WWOX: variants seen among roughly 807,000 people sequenced by gnomAD.
WWOX encodes WW domain containing oxidoreductase, also known as WW domain-containing oxidoreductase.
A neutral mutation model predicts 46.2 loss-of-function variants in WWOX; 69 were observed. That is an observed-to-expected ratio of 1.49 (90% CI 1.23 to 1.82). WWOX has a LOEUF of 1.82. Among genes scored for constraint, WWOX ranks in the 40% most tolerant of loss-of-function variants. The pLI is 0.00. For synonymous variants in WWOX, 359 were observed against 202.6 expected (o/e 1.77, Z -6.56); for missense variants, 919 against 542.6 (o/e 1.69, Z -6.89).
intron 8 of WWOX, among the ~76,000 whole-genome samples, chr16:79,087,734 C>G (rs759829927): frequency 6.6e-6 from 1 of 152,224 alleles, no homozygotes; most frequent in Non-Finnish European, 1.5e-5. Context: ...ACTTGCAACA[C>G]TTTCTCTGGA....
chr16:79,146,082 T>G (rs138501895), intron 8 of WWOX, among the ~76,000 whole-genome samples: 1 of 152,246 alleles, frequency 6.6e-6, no homozygotes, highest in Non-Finnish European at 1.5e-5. Flanking sequence ...ATATTTCAAG[T>G]AAAGTAACAT....
chr16:78,182,862 A>G (rs895854541), intron 5 of WWOX, among the ~76,000 whole-genome samples: 6 of 151,162 alleles, frequency 4.0e-5, no homozygotes, highest in Non-Finnish European at 8.8e-5. Context: ...GAGGCAGGAG[A>G]ATGGCATGAA....
At chr16:78,976,324 C>G (rs545363025) in intron 8 of WWOX, among the ~76,000 whole-genome samples, 1 of 152,324 alleles carries the variant, frequency 6.6e-6, no homozygotes, top group South Asian at 2.1e-4. Flanking sequence ...GAAATGAGAA[C>G]CGATGAAGCT....
chr16:78,894,130 C>G (rs547801393), intron 8 of WWOX, among the ~76,000 whole-genome samples: 1 of 151,626 alleles, frequency 6.6e-6, no homozygotes, highest in South Asian at 2.1e-4. Context: ...CCTTGACCTC[C>G]TGGGCTCAAG....
intron 8 of WWOX, among the ~76,000 whole-genome samples, chr16:78,477,958 G>A (rs1007404901): frequency 1.3e-5 from 2 of 152,102 alleles, no homozygotes; most frequent in African/African-American, 4.8e-5. Context: ...ATTACCAGGG[G>A]AAAGAAAAAT....
intron 6 of WWOX, among the ~76,000 whole-genome samples, chr16:78,398,160 T>C (rs142716066): frequency 6.6e-6 from 1 of 152,302 alleles, no homozygotes; most frequent in African/African-American, 2.4e-5. Context: ...CACTCTCAAG[T>C]GCAAACCCAG....
intron 5 of WWOX, among the ~76,000 whole-genome samples, chr16:78,301,616 C>T (rs887456009): frequency 8.5e-5 from 13 of 152,106 alleles, no homozygotes; most frequent in Non-Finnish European, 1.3e-4. Context: ...AGGCTTCCCA[C>T]GGCTCTGAGC....
intron 4 of WWOX, chr16:78,130,093 C>T (rs115773227): frequency 6.6e-6 from 1 of 152,186 alleles, no homozygotes; most frequent in Admixed American, 6.5e-5. Context: ...GTGTTTGCTT[C>T]CTCTCCTGCC....
intron 8 of WWOX, among the ~76,000 whole-genome samples, chr16:79,006,298 G>A (rs1308126321): frequency 6.6e-6 from 1 of 152,142 alleles, no homozygotes. Context: ...TGAAGCGCGG[G>A]AAGTCCAGGG....
At chr16:78,547,246 A>G (rs1367584910) in intron 8 of WWOX, among the ~76,000 whole-genome samples, 1 of 151,660 alleles carries the variant, frequency 6.6e-6, no homozygotes, top group Non-Finnish European at 1.5e-5. Flanking sequence ...TACATTGGAG[A>G]CACTATAACA....
intron 5 of WWOX, among the ~76,000 whole-genome samples, chr16:78,284,917 A>G (rs1209897820): frequency 2.0e-5 from 3 of 152,200 alleles, no homozygotes; most frequent in South Asian, 2.1e-4. Context: ...CTCAAGATAC[A>G]TATTTAACAA....
At chr16:79,091,078 G>A (rs913570385) in intron 8 of WWOX, among the ~76,000 whole-genome samples, 3 of 152,110 alleles carry the variant, frequency 2.0e-5, no homozygotes, top group Non-Finnish European at 4.4e-5. Flanking sequence ...ACAAGCCACC[G>A]CTCCAGGCCT....
intron 8 of WWOX, among the ~76,000 whole-genome samples, chr16:78,518,611 T>C (rs1296533069): frequency 2.6e-5 from 4 of 152,234 alleles, no homozygotes; most frequent in Non-Finnish European, 5.9e-5. Flanking sequence ...ATTTTAGCCT[T>C]AGCAACATGT....
intron 8 of WWOX, among the ~76,000 whole-genome samples, chr16:79,147,423 G>A (rs1567581822): frequency 6.6e-6 from 1 of 152,200 alleles, no homozygotes; most frequent in African/African-American, 2.4e-5. Context: ...TGTTGCACGT[G>A]TCGGTAGCTT....
rs56280651 is a variant in WWOX, at chr16:78,768,279, T to TAAAAAAAAAAAAAAAA, written c.1056+335533_1056+335548dup. Among the ~76,000 whole-genome samples, 133 of 91,946 alleles carry TAAAAAAAAAAAAAAAA rather than the reference T, an allele frequency of 1.4e-3. 4 individuals are homozygous for TAAAAAAAAAAAAAAAA. Among genetic ancestry groups the TAAAAAAAAAAAAAAAA allele is most frequent in the African/African-American group, 5.1e-3 (127 of 24,972 alleles). 60.3% of individuals were successfully genotyped at this position (91,946 alleles called of 152,430 possible). On this transcript the variant is annotated intron_variant, in intron 8 of 8. Coordinates refer to ENST00000566780, the MANE Select transcript of WWOX (RefSeq NM_016373.4). The stretch of plus-strand genomic sequence containing the variant: ...GCAAGCCAAAAAGTGATAGATGAGT[T>TAAAAAAAAAAAAAAAA]AAAAAAAAAAAAAAAAAAAAAGTTG...
Position 78,751,851 on chromosome 16 carries a change from G to A in WWOX, c.1056+319099G>A, listed in dbSNP as rs1034869612. 2.6e-5 allele frequency among the ~76,000 whole-genome samples: 4 copies of A among 151,384 alleles called. No individual in the cohort carries two copies. The East Asian group carries it at 7.8e-4, about 29-fold the overall frequency. On this transcript the variant is annotated intron_variant, in intron 8 of 8. Coordinates refer to ENST00000566780, the MANE Select transcript of WWOX (RefSeq NM_016373.4). ...AAAAAGAAAGGAAGGAGGGAGGGAA[G>A]GTAAGAAAGAAATTAATTCCCATTT...
At chr16:78,591,822 C>A (rs2941932) in intron 8 of WWOX, among the ~76,000 whole-genome samples, 1 of 152,222 alleles carries the variant, frequency 6.6e-6, no homozygotes, top group East Asian at 1.9e-4. Flanking sequence ...TGACAAAACT[C>A]AAAGAAGATG....
chr16:79,065,045 G>A (rs971238681), intron 8 of WWOX, among the ~76,000 whole-genome samples: 5 of 152,164 alleles, frequency 3.3e-5, no homozygotes, highest in East Asian at 1.9e-4. Context: ...AAGCACTTAC[G>A]TGTATGCCTG....
intron 8 of WWOX, among the ~76,000 whole-genome samples, chr16:78,998,065 A>G (rs1385444036): frequency 6.6e-6 from 1 of 152,152 alleles, no homozygotes; most frequent in Admixed American, 6.5e-5. Context: ...TAGTAAAGAC[A>G]GGGTTTCTCC....
Sources: gnomAD v4.1 joint callset for allele counts (sites outside exome capture counted in the v4.1 genomes callset) on GRCh38, gnomAD v4.1.1 for gene constraint, MANE v1.5 for transcripts, NCBI Gene and HGNC (gene_info 2026-07-23, HGNC 2026-07-21) for gene names.